Variants in F11 observed in about 807,000 individuals in gnomAD.
F11 encodes coagualtion factor XI.
A neutral mutation model predicts 76.5 loss-of-function variants in F11; 78 were observed. The observed-to-expected ratio is 1.02, with a 90% CI of 0.85 to 1.23. The LOEUF (loss-of-function observed/expected upper bound fraction) is 1.23. Among genes scored for constraint, F11 ranks in the 50% most tolerant of loss-of-function variants. The pLI, the probability that F11 is intolerant of heterozygous loss-of-function variation, is 0.00. For synonymous variants in F11, 278 were observed against 276.3 expected (o/e 1.01, Z -0.06); for missense variants, 742 against 771.4 (o/e 0.96, Z 0.45).
chr4:186,289,377 T>A lies in F11; in HGVS notation c.*763T>A, dbSNP rs576164426. On this transcript the variant is annotated 3_prime_UTR_variant, in exon 15 of 15. Coordinates refer to ENST00000403665, the MANE Select transcript of F11 (RefSeq NM_000128.4). The stretch of plus-strand genomic sequence containing the variant: ...AGGCTGATGGAGATAGGGAGCATGC[T>A]CAAACCTCCCTAAGACAAGCTGCTG... Among the ~76,000 whole-genome samples the A allele has an allele frequency of 1.8e-4, 28 of 152,272 alleles. No individual in the cohort carries two copies. In the South Asian group the frequency reaches 5.6e-3, roughly 30 times the overall value.
rs377566180 is a variant in F11 at position 186,287,591 on chromosome 4, AAT to A, written c.1577-76_1577-75del. 31,477 of 399,704 alleles carry A rather than the reference AAT, an allele frequency of 0.079. 757 individuals are homozygous for A. Among genetic ancestry groups the A allele is most frequent in the Middle Eastern group, 0.14 (137 of 1,002 alleles). The allele number at this position is 399,704 out of a possible 1,614,324, so 24.8% of individuals were successfully genotyped here. Reference sequence around the variant, plus strand: ...AGAAAGAGACTCCGTCTCAATTAAAAATATATATATATATATATTTATATGTA... The same window carrying A: ...AGAAAGAGACTCCGTCTCAATTAAAAATATATATATATATATTTATATGTA... On this transcript the variant is annotated intron_variant, in intron 13 of 14. Coordinates refer to ENST00000403665, the MANE Select transcript of F11 (RefSeq NM_000128.4).
intron 14 of F11, among the ~76,000 whole-genome samples, chr4:186,288,075 CTT>C (rs140874355): frequency 2.9e-4 from 42 of 145,702 alleles, no homozygotes; most frequent in Non-Finnish European, 2.6e-4. Flanking sequence ...CAGCTAGCGT[CTT>C]TTTTTTTTTT....
chr4:186,272,947 T>C (rs959258745), intron 3 of F11, 124 bp from the exon 4 acceptor site: 4 of 653,610 alleles, frequency 6.1e-6, no homozygotes, highest in Non-Finnish European at 1.1e-5. Context: ...AGAAAATATT[T>C]GTTTTGGCAT....
chr4:186,285,533 A>G (rs1247498404), intron 11 of F11, 105 bp from the exon 12 acceptor site: 9 of 1,201,722 alleles, frequency 7.5e-6, no homozygotes, highest in Non-Finnish European at 1.1e-5. Flanking sequence ...AATGTCCATC[A>G]TTGGCAGAAA....
At chr4:186,283,101 T>G in intron 10 of F11, 1 of 944,100 alleles carries the variant, frequency 1.1e-6, no homozygotes, top group Non-Finnish European at 1.3e-6. Context: ...CCTGGGAGCT[T>G]GTTAGAAAGA....
chr4:186,281,432 G>A (rs1740799274), intron 10 of F11, among the ~76,000 whole-genome samples: 2 of 152,124 alleles, frequency 1.3e-5, no homozygotes, highest in African/African-American at 4.8e-5. Context: ...TGGTAGGATG[G>A]AAATAAGTGT....
At chr4:186,281,940 A>G in intron 10 of F11, 1 of 1,284,174 alleles carries the variant, frequency 7.8e-7, no homozygotes, top group African/African-American at 1.5e-5. Context: ...CCTAGAGCTT[A>G]GAGGCGCTCC....
intron 7 of F11, among the ~76,000 whole-genome samples, chr4:186,279,348 C>G (rs900679606): frequency 2.6e-5 from 4 of 151,758 alleles, no homozygotes; most frequent in African/African-American, 9.7e-5. Flanking sequence ...CGACACTGCA[C>G]TCCAGCCTGG....
chr4:186,280,258 T>C lies in F11; in HGVS notation c.901T>C (p.Phe301Leu), dbSNP rs121965064. The C allele has an allele frequency of 6.0e-4, 975 of 1,614,068 alleles. 8 individuals are homozygous for C. Among genetic ancestry groups the C allele is most frequent in the Admixed American group, 2.0e-4 (12 of 60,002 alleles). Residue 301 changes from phenylalanine (F) to leucine (L), a missense_variant, in exon 9 of 15, where the codon TTC (phenylalanine) becomes CTC (leucine). Transcript: ENST00000403665. ...TTCTTCATTTTACCATGACACTGAT[T>C]TCTTGGGAGAAGAACTGGATATTGT... is the stretch of plus-strand genomic sequence containing the variant. ...CHSSFYHDTD[F>L]LGEELDIVAA...
rs1474962122 is a variant in F11 at position 186,274,141 on chromosome 4, C to T, written c.351C>T (p.Asp117=). ...ISACNKDIYV[D]LDMKGINYNS... is the part of the protein sequence containing the mutation. Reference sequence around the variant, plus strand: ...CTTGCAACAAAGACATTTATGTGGACCTAGACATGAAGGGCATAAACTATA... The same window carrying T: ...CTTGCAACAAAGACATTTATGTGGATCTAGACATGAAGGGCATAAACTATA... Residue 117 remains aspartate (D), a synonymous_variant, in exon 5 of 15, where the codon GAC becomes GAT. Coordinates refer to ENST00000403665, the MANE Select transcript of F11 (RefSeq NM_000128.4). 1.2e-6 allele frequency: 2 copies of T among 1,613,988 alleles called. No individual in the cohort carries two copies. Among genetic ancestry groups the T allele is most frequent in the East Asian group, 2.2e-5 (1 of 44,880 alleles).
At chr4:186,270,903 G>C (rs1739905054) in intron 2 of F11, among the ~76,000 whole-genome samples, 1 of 140,886 alleles carries the variant, frequency 7.1e-6, no homozygotes, top group Non-Finnish European at 1.5e-5. Context: ...ACAGGGTCTT[G>C]CCATGTTGCC....
intron 12 of F11, chr4:186,286,031 C>T: frequency 1.6e-6 from 1 of 612,412 alleles, no homozygotes; most frequent in Non-Finnish European, 2.9e-6. Flanking sequence ...ATACGTTTTC[C>T]TGAGTCTTCT....
chr4:186,279,338 C>T (rs942282990), intron 7 of F11, among the ~76,000 whole-genome samples: 33 of 151,460 alleles, frequency 2.2e-4, no homozygotes, highest in African/African-American at 6.3e-4. Flanking sequence ...GCCAAGATCG[C>T]GACACTGCAC....
Position 186,287,666 on chromosome 4 carries a change from C to A in F11, c.1577-18C>A, listed in dbSNP as rs1005331914. On this transcript the variant is annotated intron_variant, in intron 13 of 14. Transcript: ENST00000403665. The stretch of plus-strand genomic sequence containing the variant: ...GTGTATGGTTATTCTACAAACGAAC[C>A]AAAAAAATTTTTTTCAGACAAAATA... The A allele has an allele frequency of 6.3e-7, 1 of 1,598,912 alleles. No homozygotes were observed. The highest frequency in any genetic ancestry group is 1.1e-5 in the South Asian group (1 of 90,592).
At position 186,286,452 on chromosome 4, in the gene F11, T is replaced by C. The variant is rs367580331; in HGVS notation, c.1518T>C (p.Asp506=). ...QRPICLPSKG[D]RNVIYTDCWV... is the part of the protein sequence containing the mutation. ...CCATATGCCTGCCTTCCAAAGGAGA[T>C]AGAAATGTAATATACACTGATTGCT... The change falls in exon 13 of 15, where the codon GAT becomes GAC. Residue 506 remains aspartate (D), a synonymous_variant. Coordinates refer to ENST00000403665, the MANE Select transcript of F11 (RefSeq NM_000128.4). 22 of 1,613,878 alleles carry C rather than the reference T, an allele frequency of 1.4e-5. No homozygotes were observed. The highest frequency in any genetic ancestry group is 1.4e-5 in the Non-Finnish European group (16 of 1,179,944).
intron 4 of F11, 38 bp downstream of exon 4, chr4:186,273,215 G>A: frequency 6.9e-7 from 1 of 1,457,734 alleles, no homozygotes; most frequent in South Asian, 1.1e-5. Flanking sequence ...TACCAGCTGT[G>A]ATGTACACAT....
At chr4:186,271,893 T>C (rs1739996493) in intron 3 of F11, 122 bp downstream of exon 3, 1 of 1,127,748 alleles carries the variant, frequency 8.9e-7, no homozygotes, top group Non-Finnish European at 1.3e-6. Flanking sequence ...AAATTGTCTT[T>C]CAGTTGAAAT....
rs377566180 is a variant in F11, at chr4:186,287,591, A to AATATAT, written c.1577-80_1577-75dup. 1.4e-3 allele frequency: 604 copies of AATATAT among 424,818 alleles called. 6 individuals are homozygous for AATATAT. Among genetic ancestry groups the AATATAT allele is most frequent in the African/African-American group, 0.012 (547 of 44,444 alleles). The allele number at this position is 424,818 out of a possible 1,614,324, so 26.3% of individuals were successfully genotyped here. A position where few individuals can be genotyped will look rare whatever the true frequency, so the allele number is the denominator to read the frequency against. On this transcript the variant is annotated intron_variant, in intron 13 of 14. Transcript: ENST00000403665. ...AGAAAGAGACTCCGTCTCAATTAAA[A>AATATAT]ATATATATATATATATATTTATATG... is the stretch of plus-strand genomic sequence containing the variant.
Position 186,288,946 on chromosome 4 carries a change from CAGA to C in F11, c.*337_*339del. ...CCAAGTAGTGGCAGTGGGGATCAGG[CAGA>C]AGAACTGGTAAAAGAAGCCACCATA... is the stretch of plus-strand genomic sequence containing the variant. On this transcript the variant is annotated 3_prime_UTR_variant, in exon 15 of 15. Transcript: ENST00000403665. 1 of 333,272 alleles carries C rather than the reference CAGA, an allele frequency of 3.0e-6. No individual in the cohort carries two copies. Among genetic ancestry groups the C allele is most frequent in the East Asian group, 7.6e-5 (1 of 13,138 alleles). The allele number at this position is 333,272 out of a possible 1,614,324, so 20.6% of individuals were successfully genotyped here.
Sources: gnomAD v4.1 joint callset for allele counts (sites outside exome capture counted in the v4.1 genomes callset) on GRCh38, gnomAD v4.1.1 for gene constraint, MANE v1.5 for transcripts, NCBI Gene and HGNC (gene_info 2026-07-23, HGNC 2026-07-21) for gene names.